Variants in FRZB observed in about 807,000 individuals in gnomAD.
FRZB encodes the protein frizzled related protein.
FRZB carries 34 observed loss-of-function variants against 32.5 expected under a neutral mutation model. The ratio of observed to expected loss-of-function variants is 1.05; its 90% confidence interval spans 0.80 to 1.39. The LOEUF is 1.39. Among genes scored for constraint, FRZB ranks in the 40% most tolerant of loss-of-function variants. The pLI is 0.00. For missense variants in FRZB, 423 were observed against 424.8 expected (o/e 1.00, Z 0.04); for synonymous variants, 170 against 159.2 (o/e 1.07, Z -0.51).
chr2:182,852,854 A>C (rs1695725107), intron 2 of FRZB, among the ~76,000 whole-genome samples: 1 of 152,254 alleles, frequency 6.6e-6, no homozygotes, highest in Admixed American at 6.5e-5. Context: ...CAGAGTCATT[A>C]TCTCAAAAAA....
Position 182,837,968 on chromosome 2 carries a change from G to T in FRZB, c.841C>A (p.Arg281=), listed in dbSNP as rs370835746. ...CTTACCTTAACTTTTTTACCGAGTC[G>T]ATCCTTCCACTTCTCAGCTATAGAG... is the stretch of plus-strand genomic sequence containing the variant. ...EGSIAEKWKD[R]LGKKVKRWDM... Residue 281 remains arginine (R), a synonymous_variant, in exon 5 of 6, where the codon CGA becomes AGA. Coordinates refer to ENST00000295113, the MANE Select transcript of FRZB (RefSeq NM_001463.4). The T allele has an allele frequency of 8.1e-6, 13 of 1,611,386 alleles. No individual in the cohort carries two copies. Among genetic ancestry groups the T allele is most frequent in the Non-Finnish European group, 1.1e-5 (13 of 1,178,536 alleles).
intron 1 of FRZB, among the ~76,000 whole-genome samples, chr2:182,862,608 C>G (rs1695845375): frequency 6.6e-6 from 1 of 152,116 alleles, no homozygotes; most frequent in Admixed American, 6.5e-5. Context: ...AAGTTCTAGG[C>G]TGCATCTGCA....
At position 182,838,403 on chromosome 2, in the gene FRZB, A is replaced by T. The variant is rs1455965874; in HGVS notation, c.797+6T>A. On this transcript the variant is annotated splice_donor_region_variant and intron_variant, in intron 4 of 5. Coordinates refer to ENST00000295113, the MANE Select transcript of FRZB (RefSeq NM_001463.4). ...AGTTATTCTGTATCCTTAAAGAGTG[A>T]ATTACCTGGAACGTTCCTCATCTTC... 6.2e-7 allele frequency: 1 copy of T among 1,602,702 alleles called. No individual in the cohort carries two copies. The highest frequency in any genetic ancestry group is 8.5e-7 in the Non-Finnish European group (1 of 1,170,232).
At chr2:182,839,772 C>A (rs1695566289) in intron 3 of FRZB, among the ~76,000 whole-genome samples, 1 of 151,958 alleles carries the variant, frequency 6.6e-6, no homozygotes, top group Admixed American at 6.6e-5. Flanking sequence ...CCTCATTGCT[C>A]CAGTTCACTA....
intron 2 of FRZB, among the ~76,000 whole-genome samples, chr2:182,846,331 G>C (rs964642365): frequency 6.6e-6 from 1 of 152,044 alleles, no homozygotes; most frequent in Non-Finnish European, 1.5e-5. Flanking sequence ...CTTATCCAGA[G>C]GTGTAAGACT....
intron 2 of FRZB, among the ~76,000 whole-genome samples, chr2:182,849,877 G>T (rs955863672): frequency 6.6e-6 from 1 of 152,166 alleles, no homozygotes; most frequent in Non-Finnish European, 1.5e-5. Context: ...ATACAATTAT[G>T]CTTGTTTTCC....
chr2:182,843,668 C>G (rs1444274698), intron 2 of FRZB, among the ~76,000 whole-genome samples: 1 of 152,120 alleles, frequency 6.6e-6, no homozygotes, highest in Non-Finnish European at 1.5e-5. Context: ...CCTGTAATCC[C>G]AGCACTCACT....
At chr2:182,859,353 T>A (rs1037699642) in intron 1 of FRZB, among the ~76,000 whole-genome samples, 1 of 152,162 alleles carries the variant, frequency 6.6e-6, no homozygotes, top group African/African-American at 2.4e-5. Flanking sequence ...TCAGGGACTA[T>A]TCAAGCCAGT....
Position 182,866,186 on chromosome 2 carries a change from G to A in FRZB, c.367C>T (p.Leu123Phe), listed in dbSNP as rs1410683757. 2 of 1,614,040 alleles carry A rather than the reference G, an allele frequency of 1.2e-6. No individual in the cohort carries two copies. The highest frequency in any genetic ancestry group is 1.3e-5 in the African/African-American group (1 of 74,948). Residue 123 changes from leucine (L) to phenylalanine (F), a missense_variant, in exon 1 of 6, where the codon CTC becomes TTC. Coordinates refer to ENST00000295113, the MANE Select transcript of FRZB (RefSeq NM_001463.4). The surrounding 1 kb of genome is among the most constrained non-coding windows in gnomAD (Gnocchi z 4.5). The part of the protein sequence containing the change: ...ERARQGCEPI[L>F]IKYRHSWPEN... ...GGCCACGAGTGGCGGTACTTGATGA[G>A]TATGGGCTCACAGCCCTGCCGGGCC...
intron 1 of FRZB, among the ~76,000 whole-genome samples, chr2:182,864,733 G>A (rs897334963): frequency 2.6e-4 from 39 of 152,044 alleles, no homozygotes; most frequent in African/African-American, 8.9e-4. Flanking sequence ...TCAATTTCCC[G>A]ATAACTAAGA....
intron 2 of FRZB, among the ~76,000 whole-genome samples, chr2:182,850,967 A>G (rs955992189): frequency 2.6e-5 from 4 of 152,142 alleles, no homozygotes; most frequent in Non-Finnish European, 5.9e-5. Flanking sequence ...TTATCTGATT[A>G]GTGATGTTGA....
chr2:182,852,700 T>C (rs898200429), intron 2 of FRZB, among the ~76,000 whole-genome samples: 1 of 152,174 alleles, frequency 6.6e-6, no homozygotes, highest in Non-Finnish European at 1.5e-5. Context: ...TAATTTTCTG[T>C]GTGCTGATTT....
At chr2:182,865,197 AT>A (rs987334536) in intron 1 of FRZB, among the ~76,000 whole-genome samples, 61 of 151,506 alleles carry the variant, frequency 4.0e-4, no homozygotes, top group African/African-American at 1.4e-3. Flanking sequence ...ATTAAAGACA[AT>A]TTTTTTTTCA....
At chr2:182,851,697 CAGTAATTAAAT>C (rs1291944054) in intron 2 of FRZB, among the ~76,000 whole-genome samples, 4 of 151,934 alleles carry the variant, frequency 2.6e-5, no homozygotes, top group Non-Finnish European at 5.9e-5. Flanking sequence ...AAAACAACTT[CAGTAATTAAAT>C]ACATTATTTT....
In FRZB at chr2:182,834,969, T is replaced by G; in HGVS notation, c.862-4A>C. On this transcript the variant is annotated splice_polypyrimidine_tract_variant and splice_region_variant and intron_variant, in intron 5 of 5. Coordinates refer to ENST00000295113, the MANE Select transcript of FRZB (RefSeq NM_001463.4). The stretch of plus-strand genomic sequence containing the variant: ...GACGAAGCTTCATATCCCAGCGCTG[T>G]GAAATTTAAAATAGAAAATAGTCAC... 1 of 1,588,660 alleles carries G rather than the reference T, an allele frequency of 6.3e-7. No homozygotes were observed. The highest frequency in any genetic ancestry group is 8.6e-7 in the Non-Finnish European group (1 of 1,157,412).
At chr2:182,862,439 C>A (rs190347859) in intron 1 of FRZB, among the ~76,000 whole-genome samples, 1 of 152,140 alleles carries the variant, frequency 6.6e-6, no homozygotes, top group Non-Finnish European at 1.5e-5. Context: ...TTTTTTCTGT[C>A]GCTCCCAAGG....
Position 182,858,810 on chromosome 2 carries a change from C to T in FRZB, c.502G>A (p.Gly168Arg), listed in dbSNP as rs1271210798. ...CCACTGCTTGCCCCTCTACAGTTTCCGTTACTAGAATCCATAGGAAAATCT... is the reference window on the plus strand; with the variant it reads ...CCACTGCTTGCCCCTCTACAGTTTCTGTTACTAGAATCCATAGGAAAATCT... ...GADFPMDSSN[G>R]NCRGASSERC... Residue 168 changes from glycine (G) to arginine (R), a missense_variant, in exon 2 of 6, where the codon GGA (glycine) becomes AGA (arginine). Gly to Arg is a moderately radical substitution (Grantham distance 125, BLOSUM62 -2). Coordinates refer to ENST00000295113, the MANE Select transcript of FRZB (RefSeq NM_001463.4). 8.1e-6 allele frequency: 13 copies of T among 1,610,320 alleles called. No individual in the cohort carries two copies. The highest frequency in any genetic ancestry group is 3.3e-5 in the South Asian group (3 of 90,866).
chr2:182,840,674 TC>T (rs1334521727), intron 3 of FRZB, among the ~76,000 whole-genome samples: 1 of 152,036 alleles, frequency 6.6e-6, no homozygotes, highest in Non-Finnish European at 1.5e-5. Flanking sequence ...CTGTAAGAAA[TC>T]CCAGACAAAT....
chr2:182,850,407 A>T lies in FRZB; in HGVS notation c.527-7864T>A, dbSNP rs757699577. Among the ~76,000 whole-genome samples, 362 of 152,224 alleles carry T rather than the reference A, an allele frequency of 2.4e-3. 1 individual carries two copies. Among genetic ancestry groups the T allele is most frequent in the Non-Finnish European group, 2.6e-3 (175 of 68,004 alleles). ...ACCATTCCCAGCCTCTGATAACCAC[A>T]AATCTACTCTCCAGCTCCATGAGAT... is the stretch of plus-strand genomic sequence containing the variant. On this transcript the variant is annotated intron_variant, in intron 2 of 5. Coordinates refer to ENST00000295113, the MANE Select transcript of FRZB (RefSeq NM_001463.4).
Sources: allele counts gnomAD v4.1 joint callset (sites outside exome capture counted in the v4.1 genomes callset), GRCh38; gene constraint gnomAD v4.1.1; non-coding constraint Gnocchi (gnomAD v3.1); transcripts MANE v1.5; gene names NCBI Gene and HGNC (gene_info 2026-07-23, HGNC 2026-07-21).